The following WDR33 variants were observed in gnomAD, a reference collection of about 807,000 sequenced individuals.
WDR33 encodes pre-mRNA 3' end processing protein WDR33.
In WDR33, 47 loss-of-function variants were observed where a neutral mutation model predicts 164.9. That is an observed-to-expected ratio of 0.29 (90% CI 0.23 to 0.36). WDR33 has a LOEUF of 0.36. Ranked by LOEUF, WDR33 falls within the 10% of genes least tolerant of loss-of-function variation. WDR33 has a pLI of 1.00. For synonymous variants in WDR33, 505 were observed against 589.0 expected (o/e 0.86, Z 2.06); for missense variants, 1,137 against 1,754.1 (o/e 0.65, Z 6.28).
intron 1 of WDR33, among the ~76,000 whole-genome samples, chr2:127,804,903 A>G: frequency 6.6e-6 from 1 of 152,148 alleles, no homozygotes; most frequent in East Asian, 1.9e-4. Context: ...AGGGAAAAAT[A>G]TACCTCTTTG....
intron 1 of WDR33, among the ~76,000 whole-genome samples, chr2:127,806,244 G>A (rs183766590): frequency 8.7e-6 from 1 of 114,710 alleles, no homozygotes; most frequent in Non-Finnish European, 1.7e-5. Flanking sequence ...GTCTCGCTCT[G>A]TTGCCCTGGC....
chr2:127,763,356 GTT>G lies in WDR33; in HGVS notation c.627-199_627-198del. The G allele has an allele frequency of 7.1e-7, 1 of 1,400,908 alleles. No individual in the cohort carries two copies. The highest frequency in any genetic ancestry group is 9.3e-7 in the Non-Finnish European group (1 of 1,078,046). 86.8% of individuals were successfully genotyped at this position (1,400,908 alleles called of 1,614,324 possible). ...AAAAGAAGACTTCAACAGAGCAGTT[GTT>G]TGAGTTTTCAATCATCAGTATTCTG... On this transcript the variant is annotated intron_variant, in intron 6 of 21. Coordinates refer to ENST00000322313, the MANE Select transcript of WDR33 (RefSeq NM_018383.5). The surrounding 1 kb of genome is among the most constrained non-coding windows in gnomAD (Gnocchi z 4.5).
rs1257404788 is a variant in WDR33, at chr2:127,720,243, C to T, written c.1782G>A (p.Met594Ile). The T allele has an allele frequency of 1.3e-6, 2 of 1,579,912 alleles. No homozygotes were observed. The highest frequency in any genetic ancestry group is 2.7e-5 in the African/African-American group (2 of 73,690). The change falls in exon 16 of 22, where the codon ATG becomes ATA. Residue 594 changes from methionine (M) to isoleucine (I), a missense_variant. By Grantham distance (10) the Met-to-Ile change is conservative. Transcript: ENST00000322313. This position sits in a 1 kb window ranked among gnomAD's most constrained non-coding sequence, Gnocchi z 5.9. ...GTTGAAAACCTTGAGGAATCTGAGA[C>T]ATTGGACCTTGTCCTGGAAAAGGCT... ...GPQPFPGQGP[M>I]SQIPQGFQQP...
chr2:127,735,912 C>A lies in WDR33; in HGVS notation c.725-9135G>T, dbSNP rs963644825. On this transcript the variant is annotated intron_variant, in intron 7 of 21. Transcript: ENST00000322313. The surrounding 1 kb of genome is among the most constrained non-coding windows in gnomAD (Gnocchi z 4.3). ...TGTTGTCCAGTCTAGAAAGTTACATCAGTGAAAAACTATAGAATTAAATGG... is the reference window on the plus strand; with the variant it reads ...TGTTGTCCAGTCTAGAAAGTTACATAAGTGAAAAACTATAGAATTAAATGG... The A allele has an allele frequency of 6.7e-5, 66 of 985,290 alleles. No individual in the cohort carries two copies. The highest frequency in any genetic ancestry group is 7.3e-5 in the Non-Finnish European group (61 of 829,942). The allele number at this position is 985,290 out of a possible 1,614,324, so 61.0% of individuals were successfully genotyped here. A position where few individuals can be genotyped will look rare whatever the true frequency, so the allele number is the denominator to read the frequency against.
rs976587803 is a variant in WDR33 at position 127,777,203 on chromosome 2, T to C, written c.-23-6199A>G. 2.8e-4 allele frequency among the ~76,000 whole-genome samples: 43 copies of C among 152,342 alleles called. 1 individual carries two copies. The highest frequency in any genetic ancestry group is 9.9e-4 in the African/African-American group (41 of 41,584). The stretch of plus-strand genomic sequence containing the variant: ...ATTCATCATGCCTTTCTCCTATACA[T>C]AAACCTTCAATGTTTCAAGCAATCA... On this transcript the variant is annotated intron_variant, in intron 1 of 21. Coordinates refer to ENST00000322313, the MANE Select transcript of WDR33 (RefSeq NM_018383.5).
chr2:127,711,782 T>TATA (rs1558919467), intron 18 of WDR33, among the ~76,000 whole-genome samples: 71 of 84,430 alleles, frequency 8.4e-4, no homozygotes, highest in South Asian at 5.1e-3. Context: ...ATATATATAT[T>TATA]TTTTTTTTGA....
At chr2:127,772,163 G>A (rs1309289637) in intron 1 of WDR33, among the ~76,000 whole-genome samples, 1 of 151,888 alleles carries the variant, frequency 6.6e-6, no homozygotes, top group Non-Finnish European at 1.5e-5. Flanking sequence ...ACAGCTGGGC[G>A]CAGTGGCTCA....
intron 7 of WDR33, among the ~76,000 whole-genome samples, chr2:127,752,050 T>C (rs969681381): frequency 5.9e-5 from 9 of 152,244 alleles, no homozygotes; most frequent in African/African-American, 1.9e-4. Context: ...GATTTCTATA[T>C]TTGAATCTTG....
chr2:127,800,854 T>G (rs968419603), intron 1 of WDR33, among the ~76,000 whole-genome samples: 3 of 152,106 alleles, frequency 2.0e-5, no homozygotes, highest in Admixed American at 6.6e-5. Context: ...CAAAAAATAA[T>G]TGTGTACACA....
intron 1 of WDR33, among the ~76,000 whole-genome samples, chr2:127,802,697 T>A (rs956017980): frequency 7.2e-5 from 11 of 152,110 alleles, no homozygotes; most frequent in African/African-American, 2.4e-5. Context: ...CTAAATTACG[T>A]CTGGGTGCAG....
chr2:127,798,446 A>C (rs1396333482), intron 1 of WDR33, among the ~76,000 whole-genome samples: 1 of 151,680 alleles, frequency 6.6e-6, no homozygotes, highest in East Asian at 1.9e-4. Context: ...TTCCCAAAGG[A>C]ACAATCCTAA....
chr2:127,792,384 G>A (rs1161880352), intron 1 of WDR33, among the ~76,000 whole-genome samples: 2 of 152,040 alleles, frequency 1.3e-5, no homozygotes, highest in Admixed American at 6.6e-5. Flanking sequence ...ATTCTTGGCA[G>A]GGCAGGTGGC....
chr2:127,746,864 C>T (rs1423308349), intron 7 of WDR33, among the ~76,000 whole-genome samples: 1 of 152,186 alleles, frequency 6.6e-6, no homozygotes, highest in South Asian at 2.1e-4. Context: ...ACAATAGTTA[C>T]CCTTCTTTTT....
chr2:127,744,588 C>G (rs558569966), intron 7 of WDR33, among the ~76,000 whole-genome samples: 2 of 152,200 alleles, frequency 1.3e-5, no homozygotes, highest in African/African-American at 4.8e-5. Context: ...GTGCTTACCT[C>G]TGGATGTGAA....
Position 127,708,766 on chromosome 2 carries a change from C to T in WDR33, c.3692G>A (p.Arg1231Gln), listed in dbSNP as rs768909728. 3.7e-6 allele frequency: 6 copies of T among 1,613,702 alleles called. No individual in the cohort carries two copies. The highest frequency in any genetic ancestry group is 2.2e-5 in the East Asian group (1 of 44,888). ...QGMDMASLPP[R>Q]KRPWHDGPGT... ...TGGGCCATCATGCCAGGGGCGCTTTCGGGGAGGTAGGGATGCCATGTCCAT... is the reference window on the plus strand; with the variant it reads ...TGGGCCATCATGCCAGGGGCGCTTTTGGGGAGGTAGGGATGCCATGTCCAT... The change falls in exon 21 of 22, where the codon CGA (arginine) becomes CAA (glutamine). Residue 1231 changes from arginine (R) to glutamine (Q), a missense_variant. Around this residue, in one of 9 missense-constraint regions of WDR33, gnomAD observed 867 missense variants for 1,073.0 expected, o/e 0.81. Transcript: ENST00000322313. This position sits in a 1 kb window ranked among gnomAD's most constrained non-coding sequence, Gnocchi z 6.7.
At chr2:127,715,946 G>A (rs1686290619) in intron 17 of WDR33, among the ~76,000 whole-genome samples, 2 of 152,122 alleles carry the variant, frequency 1.3e-5, no homozygotes, top group African/African-American at 2.4e-5. Flanking sequence ...AAGGGGGCGG[G>A]GGATAAAGAG....
intron 2 of WDR33, among the ~76,000 whole-genome samples, chr2:127,769,449 A>AC (rs1687928319): frequency 6.6e-6 from 1 of 151,958 alleles, no homozygotes. Flanking sequence ...AAACAAACAA[A>AC]AAAAAAACCT....
chr2:127,711,782 T>TATATATATATA lies in WDR33; in HGVS notation c.3308+1800_3308+1801insTATATATATAT, dbSNP rs1558919467. On this transcript the variant is annotated intron_variant, in intron 18 of 21. Transcript: ENST00000322313. ...TATATATATATATATATATATATAT[T>TATATATATATA]TTTTTTTTGAGACAGAGTCTCGCCC... 1.8e-3 allele frequency among the ~76,000 whole-genome samples: 153 copies of TATATATATATA among 84,398 alleles called. 1 individual carries two copies. The highest frequency in any genetic ancestry group is 2.6e-3 in the Non-Finnish European group (123 of 47,482). 55.4% of individuals were successfully genotyped at this position (84,398 alleles called of 152,430 possible). A position where few individuals can be genotyped will look rare whatever the true frequency, so the allele number is the denominator to read the frequency against.
At chr2:127,707,952 CA>C (rs1406277159) in intron 21 of WDR33, among the ~76,000 whole-genome samples, 8 of 152,122 alleles carry the variant, frequency 5.3e-5, no homozygotes, top group African/African-American at 1.9e-4. Context: ...GAAAAAAACC[CA>C]AAAAGACCAA....
Sources: gnomAD v4.1 joint callset for allele counts (sites outside exome capture counted in the v4.1 genomes callset) on GRCh38, gnomAD v4.1.1 for gene constraint, gnomAD v4.1.1 regional missense constraint, Gnocchi (gnomAD v3.1) non-coding constraint, MANE v1.5 for transcripts, NCBI Gene and HGNC (gene_info 2026-07-23, HGNC 2026-07-21) for gene names.